CDH1: variants seen among roughly 807,000 people sequenced by gnomAD.
The protein encoded by CDH1 is cadherin-1.
CDH1 carries 35 observed loss-of-function variants against 84.5 expected under a neutral mutation model. The observed-to-expected ratio is 0.41, with a 90% CI of 0.32 to 0.55. The LOEUF (loss-of-function observed/expected upper bound fraction) is 0.55. CDH1 is among the 20% of genes least tolerant of loss of function. The probability of loss-of-function intolerance (pLI) is 0.19; values close to 1 mark genes in which losing one functional copy is unlikely to be tolerated. For missense variants in CDH1, 994 were observed against 1,126.6 expected, an observed-to-expected ratio of 0.88 and a Z score of 1.68; for synonymous variants, 417 against 439.0, an observed-to-expected ratio of 0.95 and a Z score of 0.63.
At chr16:68,765,963 C>A (rs1959368368) in intron 2 of CDH1, among the ~76,000 whole-genome samples, 1 of 152,064 alleles carries the variant, frequency 6.6e-6, no homozygotes, top group South Asian at 2.1e-4. Context: ...ATCACCCCTA[C>A]TATAATTTTA....
intron 15 of CDH1, among the ~76,000 whole-genome samples, chr16:68,830,902 A>T (rs1349023004): frequency 1.3e-5 from 2 of 152,000 alleles, no homozygotes; most frequent in Non-Finnish European, 2.9e-5. Context: ...TTAGCTTAGG[A>T]TAAGATGAGA....
At chr16:68,812,917 G>A (rs182430538) in intron 8 of CDH1, among the ~76,000 whole-genome samples, 1 of 152,252 alleles carries the variant, frequency 6.6e-6, no homozygotes, top group East Asian at 1.9e-4. Context: ...GTGCATGCTT[G>A]TAATCCCAGC....
chr16:68,772,533 C>G (rs1313097964), intron 2 of CDH1, among the ~76,000 whole-genome samples: 2 of 152,174 alleles, frequency 1.3e-5, no homozygotes, highest in African/African-American at 4.8e-5. Context: ...ACTGGCCTGG[C>G]TCTGGGCTAA....
At chr16:68,831,069 CTTTTTTTTTT>C (rs1157074539) in intron 15 of CDH1, among the ~76,000 whole-genome samples, 3 of 80,268 alleles carry the variant, frequency 3.7e-5, no homozygotes, top group South Asian at 4.4e-4. Flanking sequence ...CTTTAGCTTT[CTTTTTTTTTT>C]TTTTTTTTTT....
At chr16:68,747,290 C>T (rs1418389512) in intron 2 of CDH1, among the ~76,000 whole-genome samples, 2 of 152,106 alleles carry the variant, frequency 1.3e-5, no homozygotes, top group African/African-American at 4.8e-5. Flanking sequence ...AAGGCTGGAG[C>T]TGTGCCTTCC....
At chr16:68,802,691 G>A (rs534220746) in intron 3 of CDH1, among the ~76,000 whole-genome samples, 21 of 152,198 alleles carry the variant, frequency 1.4e-4, no homozygotes, top group Admixed American at 8.5e-4. Context: ...GGCTGGTCTC[G>A]AATTCCTGAC....
At chr16:68,739,718 G>A (rs778597894) in intron 2 of CDH1, among the ~76,000 whole-genome samples, 58 of 147,890 alleles carry the variant, frequency 3.9e-4, no homozygotes, top group Non-Finnish European at 6.7e-4. Flanking sequence ...AGGTTCAAGT[G>A]ATTCTCCTGC....
At chr16:68,781,634 C>T (rs778533524) in intron 2 of CDH1, among the ~76,000 whole-genome samples, 5 of 152,080 alleles carry the variant, frequency 3.3e-5, no homozygotes, top group Admixed American at 3.3e-4. Flanking sequence ...ACACCATGCC[C>T]GGCCAATTTT....
At chr16:68,810,380 T>C in intron 6 of CDH1, 39 bp downstream of exon 6, 1 of 1,598,896 alleles carries the variant, frequency 6.3e-7, no homozygotes, top group Non-Finnish European at 8.6e-7. Context: ...TCAGAAAGAC[T>C]CTTAGGTTCT....
intron 2 of CDH1, chr16:68,742,345 T>TCTGCA (rs1378859371): frequency 6.6e-6 from 1 of 152,296 alleles, no homozygotes; most frequent in Non-Finnish European, 1.5e-5. Context: ...AGTGACGTGA[T>TCTGCA]CTCGGCTCAC....
intron 9 of CDH1, among the ~76,000 whole-genome samples, chr16:68,814,921 TAA>T (rs746677240): frequency 0.092 from 12,155 of 131,546 alleles, 903 homozygotes; most frequent in African/African-American, 0.2. Flanking sequence ...CTCCATCTCT[TAA>T]AAAAAAAAAA....
intron 2 of CDH1, among the ~76,000 whole-genome samples, chr16:68,772,599 C>T (rs1170456217): frequency 2.0e-5 from 3 of 152,084 alleles, no homozygotes; most frequent in Non-Finnish European, 4.4e-5. Flanking sequence ...TGATGTAGGT[C>T]TTCCTCAAAA....
chr16:68,780,849 T>G (rs1002550508), intron 2 of CDH1, among the ~76,000 whole-genome samples: 2 of 152,180 alleles, frequency 1.3e-5, no homozygotes, highest in African/African-American at 4.8e-5. Flanking sequence ...GAGGCCTCAC[T>G]GTAGAGAGCT....
chr16:68,815,736 C>T lies in CDH1; in HGVS notation c.1542C>T (p.Asp514=), dbSNP rs1555516187. 1 of 1,614,230 alleles carries T rather than the reference C, an allele frequency of 6.2e-7. No individual in the cohort carries two copies. The highest frequency in any genetic ancestry group is 8.5e-7 in the Non-Finnish European group (1 of 1,180,042). ...CATCCTACACTGCCCAGGAGCCAGA[C>T]ACATTTATGGAACAGAAAATAACGT... The part of the protein sequence containing the change: ...EITSYTAQEP[D]TFMEQKITYR... Residue 514 remains aspartate, a synonymous_variant, in exon 10 of 16, where the codon GAC becomes GAT. Transcript: ENST00000261769.
In CDH1 at chr16:68,823,577, G is replaced by T. The variant is rs759256066; in HGVS notation, c.2115G>T (p.Leu705Phe). The T allele has an allele frequency of 6.2e-7, 1 of 1,613,730 alleles. No individual in the cohort carries two copies. Among genetic ancestry groups the T allele is most frequent in the Non-Finnish European group, 8.5e-7 (1 of 1,179,982 alleles). ...CRKAQPVEAG[L>F]QIPAILGILG... Reference sequence around the variant, plus strand: ...AGGCACAGCCTGTCGAAGCAGGATTGCAAATTCCTGCCATTCTGGGGATTC... The same window carrying T: ...AGGCACAGCCTGTCGAAGCAGGATTTCAAATTCCTGCCATTCTGGGGATTC... The change falls in exon 13 of 16, where the codon TTG (leucine) becomes TTT (phenylalanine). Residue 705 changes from leucine (L) to phenylalanine (F), a missense_variant. Leu to Phe is a conservative substitution (Grantham distance 22). Around this residue, in one of 3 missense-constraint regions of CDH1, gnomAD observed 769 missense variants for 881.8 expected, o/e 0.87. Transcript: ENST00000261769.
At position 68,823,641 on chromosome 16, in the gene CDH1, C is replaced by CA. The variant is rs34939176; in HGVS notation, c.2164+17dup. The CA allele has an allele frequency of 0.038, 58,561 of 1,543,948 alleles. 1,420 individuals are homozygous for CA. The highest frequency in any genetic ancestry group is 0.091 in the Admixed American group (5,447 of 59,856). On this transcript the variant is annotated intron_variant, in intron 13 of 15. Transcript: ENST00000261769. ...TGCTTTGCTAAGTAAGTCCAGCTGGCAAGTGACTCAGCCTTTGACTTAAAA... is the reference window on the plus strand; with the variant it reads ...TGCTTTGCTAAGTAAGTCCAGCTGGCAAAGTGACTCAGCCTTTGACTTAAAA...
At chr16:68,798,410 C>T (rs1283520591) in intron 2 of CDH1, among the ~76,000 whole-genome samples, 1 of 152,090 alleles carries the variant, frequency 6.6e-6, no homozygotes, top group Non-Finnish European at 1.5e-5. Flanking sequence ...GCTGAAGAAC[C>T]TTTCAATCTT....
chr16:68,807,291 T>C (rs182677435), intron 3 of CDH1, among the ~76,000 whole-genome samples: 1 of 152,290 alleles, frequency 6.6e-6, no homozygotes, highest in African/African-American at 2.4e-5. Context: ...AGATTTATAT[T>C]GATCACAAAG....
intron 3 of CDH1, among the ~76,000 whole-genome samples, chr16:68,804,031 A>T (rs1445951866): frequency 2.1e-5 from 3 of 145,408 alleles, no homozygotes; most frequent in African/African-American, 5.2e-5. Context: ...TTTTTTAATC[A>T]TGTCTTTATT....
Sources: gnomAD v4.1 joint callset for allele counts (sites outside exome capture counted in the v4.1 genomes callset) on GRCh38, gnomAD v4.1.1 for gene constraint, gnomAD v4.1.1 regional missense constraint, MANE v1.5 for transcripts, NCBI Gene and HGNC (gene_info 2026-07-23, HGNC 2026-07-21) for gene names.